ARID3B: variants seen among roughly 807,000 people sequenced by gnomAD.
ARID3B encodes the protein AT-rich interaction domain 3B, also known as AT-rich interactive domain-containing protein 3B.
ARID3B carries 10 observed loss-of-function variants against 51.9 expected under a neutral mutation model. That is an observed-to-expected ratio of 0.19 (90% CI 0.12 to 0.33). The LOEUF is 0.33. Among genes scored for constraint, ARID3B ranks in the 10% least tolerant of loss-of-function variants. The probability of loss-of-function intolerance (pLI) is 1.00; values close to 1 mark genes in which losing one functional copy is unlikely to be tolerated. For missense variants in ARID3B, 483 were observed against 716.3 expected (o/e 0.67, Z 3.72); for synonymous variants, 205 against 279.5 (o/e 0.73, Z 2.66).
chr15:74,548,867 GTGTT>G (rs1014897030), intron 2 of ARID3B, among the ~76,000 whole-genome samples: 1 of 152,074 alleles, frequency 6.6e-6, no homozygotes. Context: ...AGGGAGTTTC[GTGTT>G]TGTTTTTGTT....
intron 5 of ARID3B, among the ~76,000 whole-genome samples, chr15:74,590,884 AT>A (rs1393201894): frequency 2.0e-5 from 3 of 152,184 alleles, no homozygotes; most frequent in Non-Finnish European, 4.4e-5. Context: ...TTCAAAACAA[AT>A]GTGAAAACGC....
At chr15:74,570,662 C>T (rs2061716183) in intron 2 of ARID3B, among the ~76,000 whole-genome samples, 1 of 152,058 alleles carries the variant, frequency 6.6e-6, no homozygotes. Context: ...CTGATAGGGG[C>T]TCCTGGGATA....
intron 4 of ARID3B, among the ~76,000 whole-genome samples, chr15:74,575,555 G>A (rs958954193): frequency 8.5e-5 from 13 of 152,204 alleles, no homozygotes; most frequent in South Asian, 2.1e-4. Context: ...CAGCTGCCCC[G>A]TAATTGAGAG....
Position 74,544,487 on chromosome 15 carries a change from A to G in ARID3B, c.551A>G (p.Gln184Arg). ...PNWNLDEQLK[Q>R]NGGLAWSDDA... ...TGGAATCTGGATGAGCAGCTCAAGC[A>G]GGTCAGTCTTTCTGGTATTGTAGGT... Residue 184 changes from glutamine to arginine, a missense_variant and splice_region_variant, in exon 2 of 9, where the codon CAG (glutamine) becomes CGG (arginine). Transcript: ENST00000346246. The G allele has an allele frequency of 6.2e-7, 1 of 1,612,356 alleles. No individual in the cohort carries two copies. The highest frequency in any genetic ancestry group is 8.5e-7 in the Non-Finnish European group (1 of 1,179,068).
At chr15:74,544,531 G>A (rs774017279) in intron 2 of ARID3B, 43 bp downstream of exon 2, 2 of 1,574,552 alleles carry the variant, frequency 1.3e-6, no homozygotes, top group Non-Finnish European at 1.7e-6. Context: ...CTTCCTGAAG[G>A]CCAGAGAGGG....
At chr15:74,569,780 A>G (rs1371875209) in intron 2 of ARID3B, among the ~76,000 whole-genome samples, 2 of 152,218 alleles carry the variant, frequency 1.3e-5, no homozygotes, top group Non-Finnish European at 2.9e-5. Flanking sequence ...TGCGAAAGGC[A>G]GGCAGGGCTC....
At chr15:74,549,326 C>G (rs547892806) in intron 2 of ARID3B, among the ~76,000 whole-genome samples, 1 of 152,024 alleles carries the variant, frequency 6.6e-6, no homozygotes, top group Admixed American at 6.5e-5. Flanking sequence ...CCGTCCGCCT[C>G]GGCCTCCCAA....
intron 2 of ARID3B, among the ~76,000 whole-genome samples, chr15:74,546,984 A>G (rs901286643): frequency 2.6e-5 from 4 of 152,158 alleles, no homozygotes; most frequent in Non-Finnish European, 5.9e-5. Context: ...GAAGGGCCAA[A>G]AATAATAATA....
At chr15:74,570,462 CAAAAAAAAA>C (rs71137395) in intron 2 of ARID3B, among the ~76,000 whole-genome samples, 23 of 64,606 alleles carry the variant, frequency 3.6e-4, no homozygotes, top group African/African-American at 4.4e-4. Flanking sequence ...CTATAATTAG[CAAAAAAAAA>C]AAAAAAAAAA....
rs1040521144 is a variant in ARID3B, at chr15:74,558,110, G to A, written c.552+13622G>A. 7.3e-5 allele frequency among the ~76,000 whole-genome samples: 11 copies of A among 151,134 alleles called. No individual in the cohort carries two copies. In the South Asian group the frequency reaches 1.5e-3, roughly 20 times the overall value. ...TGCTGGGATTACAGGCGTGAGCCACGCGCCCGGCCTTTCAACTTACTTTTA... is the reference window on the plus strand; with the variant it reads ...TGCTGGGATTACAGGCGTGAGCCACACGCCCGGCCTTTCAACTTACTTTTA... On this transcript the variant is annotated intron_variant, in intron 2 of 8. Transcript: ENST00000346246.
At chr15:74,544,679 A>G (rs562862622) in intron 2 of ARID3B, among the ~76,000 whole-genome samples, 191 bp downstream of exon 2, 4 of 149,764 alleles carry the variant, frequency 2.7e-5, no homozygotes, top group South Asian at 2.1e-4. Context: ...GCAATGAAAT[A>G]TATGTTACTC....
chr15:74,541,904 G>T (rs533377997), intron 1 of ARID3B, among the ~76,000 whole-genome samples: 124 of 152,308 alleles, frequency 8.1e-4, no homozygotes, highest in South Asian at 1.4e-3. Flanking sequence ...TGAGACATAA[G>T]TTCTCCAAAT....
chr15:74,557,735 T>G (rs1386337022), intron 2 of ARID3B, among the ~76,000 whole-genome samples: 1 of 152,114 alleles, frequency 6.6e-6, no homozygotes, highest in African/African-American at 2.4e-5. Flanking sequence ...GAGGATCTTT[T>G]TCTCTCTTGT....
intron 4 of ARID3B, among the ~76,000 whole-genome samples, chr15:74,579,945 CT>C (rs2061754467): frequency 6.6e-6 from 1 of 152,050 alleles, no homozygotes; most frequent in African/African-American, 2.4e-5. Flanking sequence ...AATCCCAGCA[CT>C]TTGGGAGGCC....
At chr15:74,545,560 T>G (rs1171025123) in intron 2 of ARID3B, among the ~76,000 whole-genome samples, 4 of 152,214 alleles carry the variant, frequency 2.6e-5, no homozygotes, top group African/African-American at 9.6e-5. Flanking sequence ...ATGGGAGTGA[T>G]GATAAGTTGT....
In ARID3B at chr15:74,597,803, T is replaced by TG. The variant is rs1271080001; in HGVS notation, c.*2031dup. On this transcript the variant is annotated 3_prime_UTR_variant, in exon 9 of 9. Coordinates refer to ENST00000346246, the MANE Select transcript of ARID3B (RefSeq NM_006465.4). ...CAGGCAGCTCGCCTGGCCACACCGT[T>TG]GGAGTGAACCCTCACTGCCCTCAAG... 2.1e-6 allele frequency: 1 copy of TG among 474,062 alleles called. No individual in the cohort carries two copies. The highest frequency in any genetic ancestry group is 1.9e-5 in the African/African-American group (1 of 52,038). The allele number at this position is 474,062 out of a possible 1,614,324, so 29.4% of individuals were successfully genotyped here.
chr15:74,552,397 G>A (rs778665878), intron 2 of ARID3B, among the ~76,000 whole-genome samples: 2 of 133,460 alleles, frequency 1.5e-5, no homozygotes, highest in East Asian at 2.2e-4. Context: ...GTTTCTCCAC[G>A]TTGGTCAGGC....
intron 4 of ARID3B, 43 bp downstream of exon 4, chr15:74,573,247 A>G: frequency 6.3e-7 from 1 of 1,584,150 alleles, no homozygotes; most frequent in Non-Finnish European, 8.7e-7. Flanking sequence ...GGGAATACTG[A>G]TAGAGTGCCT....
At chr15:74,572,023 C>T (rs548266522) in intron 2 of ARID3B, among the ~76,000 whole-genome samples, 1 of 152,022 alleles carries the variant, frequency 6.6e-6, no homozygotes, top group Non-Finnish European at 1.5e-5. Context: ...GCAGGAGAAT[C>T]ACTTGAACCT....
Sources: allele counts gnomAD v4.1 joint callset (sites outside exome capture counted in the v4.1 genomes callset), GRCh38; gene constraint gnomAD v4.1.1; transcripts MANE v1.5; gene names NCBI Gene and HGNC (gene_info 2026-07-23, HGNC 2026-07-21).